Variants in DST observed in about 807,000 individuals in gnomAD.
DST encodes the protein bullous pemphigoid antigen.
A neutral mutation model predicts 875.2 loss-of-function variants in DST; 253 were observed. That is an observed-to-expected ratio of 0.29 (90% CI 0.26 to 0.32). The LOEUF (loss-of-function observed/expected upper bound fraction) is 0.32, where lower values mean the gene tolerates loss of function less well. Ranked by LOEUF, DST falls within the 10% of genes least tolerant of loss-of-function variation. The pLI is 1.00. For missense variants in DST, 8,287 were observed against 9,111.6 expected, an observed-to-expected ratio of 0.91 and a Z score of 3.68; for synonymous variants, 3,124 against 3,197.1, an observed-to-expected ratio of 0.98 and a Z score of 0.77.
chr6:56,478,852 G>A (rs72877350), intron 90 of DST, among the ~76,000 whole-genome samples: 35,006 of 151,974 alleles, frequency 0.23, 4,596 homozygotes, highest in Middle Eastern at 0.41. Flanking sequence ...TCTGGACATC[G>A]GCCTAGGCAA....
intron 5 of DST, among the ~76,000 whole-genome samples, chr6:56,708,315 T>C (rs1056823176): frequency 6.6e-6 from 1 of 152,122 alleles, no homozygotes; most frequent in African/African-American, 2.4e-5. Flanking sequence ...AAAAAATCAA[T>C]GACCTGTCAA....
intron 9 of DST, among the ~76,000 whole-genome samples, chr6:56,682,767 G>A (rs1023055261): frequency 3.3e-5 from 5 of 152,186 alleles, no homozygotes; most frequent in Admixed American, 1.3e-4. Flanking sequence ...TTGTTTCACT[G>A]TGCAAGTCTG....
chr6:56,517,792 C>T (rs948468477), intron 69 of DST, among the ~76,000 whole-genome samples, 172 bp from the exon 70 acceptor site: 2 of 152,146 alleles, frequency 1.3e-5, no homozygotes, highest in African/African-American at 4.8e-5. Context: ...GAAAGGAGAA[C>T]TTTCCACAGA....
intron 49 of DST, among the ~76,000 whole-genome samples, 197 bp downstream of exon 49, chr6:56,591,985 A>AAAG (rs2152685091): frequency 6.6e-6 from 1 of 151,400 alleles, no homozygotes; most frequent in Admixed American, 6.6e-5. Flanking sequence ...CCATCTCAAA[A>AAAG]AAAAAAAAAA....
intron 4 of DST, among the ~76,000 whole-genome samples, chr6:56,743,627 T>C (rs2099556091): frequency 6.6e-6 from 1 of 152,040 alleles, no homozygotes; most frequent in Non-Finnish European, 1.5e-5. Flanking sequence ...TTGTTCTCAA[T>C]TACACACACA....
intron 50 of DST, among the ~76,000 whole-genome samples, chr6:56,574,561 C>G (rs1042957618): frequency 6.6e-6 from 1 of 151,956 alleles, no homozygotes; most frequent in Middle Eastern, 3.4e-3. Context: ...AAAAGTTTAA[C>G]AGCAGACAAA....
intron 71 of DST, among the ~76,000 whole-genome samples, chr6:56,516,835 C>T (rs2096603856): frequency 6.6e-6 from 1 of 152,004 alleles, no homozygotes; most frequent in African/African-American, 2.4e-5. Context: ...TATTAAGAGG[C>T]CCAAATGTCT....
At chr6:56,511,069 C>T in intron 73 of DST, 128 bp downstream of exon 73, 3 of 776,634 alleles carry the variant, frequency 3.9e-6, no homozygotes, top group Non-Finnish European at 6.1e-6. Flanking sequence ...GGGACACAGA[C>T]ATCAATACTC....
At chr6:56,654,378 AAACC>A (rs1470794425) in intron 10 of DST, among the ~76,000 whole-genome samples, 4 of 152,138 alleles carry the variant, frequency 2.6e-5, no homozygotes, top group Non-Finnish European at 2.9e-5. Flanking sequence ...TAGAAGTATA[AAACC>A]AAGAAAAGGC....
intron 4 of DST, among the ~76,000 whole-genome samples, chr6:56,777,782 C>A (rs981316962): frequency 1.1e-4 from 16 of 151,916 alleles, no homozygotes. Flanking sequence ...CAGCACACTG[C>A]AGCCTTCTGG....
chr6:56,562,067 C>T lies in DST; in HGVS notation c.14068+71G>A, dbSNP rs546684832. On this transcript the variant is annotated intron_variant, in intron 56 of 103. Transcript: ENST00000680361. ...AAATTTCAATATAACTACTGTTTGC[C>T]TCTAAGATTTTCTCTTATTAAAAAA... 15 of 958,224 alleles carry T rather than the reference C, an allele frequency of 1.6e-5. No individual in the cohort carries two copies. In the South Asian group the frequency reaches 2.8e-4, roughly 18 times the overall value. 59.4% of individuals were successfully genotyped at this position (958,224 alleles called of 1,614,324 possible). A position where few individuals can be genotyped will look rare whatever the true frequency, so the allele number is the denominator to read the frequency against.
intron 61 of DST, chr6:56,540,574 C>T (rs2097108703): frequency 1.3e-5 from 2 of 152,574 alleles, no homozygotes; most frequent in Non-Finnish European, 2.9e-5. Flanking sequence ...GAGGGGAATC[C>T]TTCAAGAGTT....
At chr6:56,750,591 A>C (rs1272681862) in intron 4 of DST, among the ~76,000 whole-genome samples, 1 of 152,214 alleles carries the variant, frequency 6.6e-6, no homozygotes, top group East Asian at 1.9e-4. Flanking sequence ...TAAGACAAAA[A>C]AAAGAAAATA....
chr6:56,568,688 T>C (rs2097723581), intron 54 of DST, 93 bp from the exon 55 acceptor site: 1 of 1,139,216 alleles, frequency 8.8e-7, no homozygotes, highest in Non-Finnish European at 1.2e-6. Flanking sequence ...AAAGTAGTAA[T>C]AATTGTAGAC....
At chr6:56,549,786 G>A (rs1432867648) in intron 61 of DST, among the ~76,000 whole-genome samples, 2 of 152,166 alleles carry the variant, frequency 1.3e-5, no homozygotes, top group African/African-American at 4.8e-5. Context: ...CTGGGTATTC[G>A]GGCTGTCTAA....
intron 2 of DST, among the ~76,000 whole-genome samples, chr6:56,907,402 T>C (rs1796895267): frequency 6.6e-6 from 1 of 152,200 alleles, no homozygotes; most frequent in Non-Finnish European, 1.5e-5. Flanking sequence ...TATGTGTAGA[T>C]GGGCATAAAA....
intron 5 of DST, among the ~76,000 whole-genome samples, chr6:56,706,590 A>G (rs1422558658): frequency 6.6e-6 from 1 of 152,192 alleles, no homozygotes; most frequent in African/African-American, 2.4e-5. Flanking sequence ...CATGGGAGAC[A>G]GTTTTTCCAC....
intron 4 of DST, among the ~76,000 whole-genome samples, chr6:56,777,538 G>C (rs372681000): frequency 2.6e-5 from 4 of 152,064 alleles, no homozygotes; most frequent in African/African-American, 9.7e-5. Context: ...GCTCATAAAA[G>C]AAAGAGGAAA....
chr6:56,619,031 T>A (rs377320181), intron 36 of DST: 1 of 1,614,110 alleles, frequency 6.2e-7, no homozygotes, highest in Non-Finnish European at 8.5e-7. Flanking sequence ...GTTCTGTTGG[T>A]CACACTTTTG....
Sources: allele counts gnomAD v4.1 joint callset (sites outside exome capture counted in the v4.1 genomes callset), GRCh38; gene constraint gnomAD v4.1.1; transcripts MANE v1.5; gene names NCBI Gene and HGNC (gene_info 2026-07-23, HGNC 2026-07-21).